SLC30A5: variants seen among roughly 807,000 people sequenced by gnomAD.
The protein encoded by SLC30A5 is solute carrier family 30 member 5.
A neutral mutation model predicts 79.6 loss-of-function variants in SLC30A5; 33 were observed. The observed-to-expected ratio is 0.41, with a 90% confidence interval of 0.31 to 0.55. The LOEUF (loss-of-function observed/expected upper bound fraction) is 0.55, where lower values mean the gene tolerates loss of function less well. Ranked by LOEUF, SLC30A5 falls within the 20% of genes least tolerant of loss-of-function variation. SLC30A5 has a pLI of 0.20. For synonymous variants in SLC30A5, 299 were observed against 319.7 expected (o/e 0.94, Z 0.69); for missense variants, 788 against 928.1 (o/e 0.85, Z 1.96).
chr5:69,105,231 T>C (rs1244417139), intron 4 of SLC30A5, among the ~76,000 whole-genome samples: 1 of 152,212 alleles, frequency 6.6e-6, no homozygotes, highest in Non-Finnish European at 1.5e-5. Context: ...CTATATAGAT[T>C]AGTCTTTTTC....
chr5:69,118,558 C>T lies in SLC30A5; in HGVS notation c.1499C>T (p.Ala500Val), dbSNP rs768665809. The T allele has an allele frequency of 5.0e-6, 8 of 1,602,216 alleles. No homozygotes were observed. The highest frequency in any genetic ancestry group is 2.7e-5 in the African/African-American group (2 of 74,324). ...AATGGACTTTTTCTAATAGTAATAGCGTTTTTTGTGTTTATGGAGTCAGTG... is the reference window on the plus strand; with the variant it reads ...AATGGACTTTTTCTAATAGTAATAGTGTTTTTTGTGTTTATGGAGTCAGTG... ...FINGLFLIVIAFFVFMESVAR... is the reference protein window; with the variant it reads ...FINGLFLIVIVFFVFMESVAR... Residue 500 changes from alanine (A) to valine (V), a missense_variant, in exon 12 of 16, where the codon GCG (alanine) becomes GTG (valine). By Grantham distance (64) the Ala-to-Val change is moderately conservative. This residue lies in a region of SLC30A5 where 626 missense variants were observed against 755.5 expected (regional missense o/e 0.83). Transcript: ENST00000396591.
chr5:69,113,844 T>TAGTA (rs1561293457), intron 6 of SLC30A5, among the ~76,000 whole-genome samples: 1 of 152,358 alleles, frequency 6.6e-6, no homozygotes, highest in East Asian at 1.9e-4. Context: ...TAAAACTTAT[T>TAGTA]AGTAAACTAA....
chr5:69,128,247 A>AAT, intron 15 of SLC30A5, 115 bp downstream of exon 15: 6 of 550,808 alleles, frequency 1.1e-5, no homozygotes, highest in Non-Finnish European at 1.3e-5. Context: ...CAATCTTCCA[A>AAT]CTCTTTTTTT....
Position 69,094,120 on chromosome 5 carries a change from G to T in SLC30A5, c.-136G>T. 1 of 445,144 alleles carries T rather than the reference G, an allele frequency of 2.2e-6. No individual in the cohort carries two copies. The allele number at this position is 445,144 out of a possible 1,614,324, so 27.6% of individuals were successfully genotyped here. A position where few individuals can be genotyped will look rare whatever the true frequency, so the allele number is the denominator to read the frequency against. On this transcript the variant is annotated 5_prime_UTR_variant, in exon 1 of 16. Coordinates refer to ENST00000396591, the MANE Select transcript of SLC30A5 (RefSeq NM_022902.5). ...GCCGGAGCCGGCGACGGCGGCAGTG[G>T]CGGCCCGGCCTGCAGGAGCCCGACG...
At chr5:69,111,044 A>G (rs964875698) in intron 5 of SLC30A5, among the ~76,000 whole-genome samples, 1 of 144,336 alleles carries the variant, frequency 6.9e-6, no homozygotes, top group Admixed American at 7.0e-5. Context: ...CCCAGGCTGG[A>G]GTGCAGTGGC....
chr5:69,112,710 C>T (rs1166188004), intron 5 of SLC30A5, among the ~76,000 whole-genome samples: 3 of 152,050 alleles, frequency 2.0e-5, no homozygotes, highest in Non-Finnish European at 2.9e-5. Flanking sequence ...GCTGGTTTTA[C>T]CGTGCCCTCT....
intron 1 of SLC30A5, among the ~76,000 whole-genome samples, chr5:69,097,976 G>A (rs1458554134): frequency 6.6e-6 from 1 of 152,152 alleles, no homozygotes; most frequent in African/African-American, 2.4e-5. Flanking sequence ...GATTTATCAG[G>A]ACGTGGAGAC....
At chr5:69,096,685 C>A (rs766663639) in intron 1 of SLC30A5, among the ~76,000 whole-genome samples, 1 of 152,100 alleles carries the variant, frequency 6.6e-6, no homozygotes, top group Non-Finnish European at 1.5e-5. Context: ...GGAAAACTTA[C>A]CAAATCTCCA....
chr5:69,124,749 T>A (rs1746629212), intron 14 of SLC30A5, among the ~76,000 whole-genome samples: 1 of 152,106 alleles, frequency 6.6e-6, no homozygotes, highest in South Asian at 2.1e-4. Context: ...TTTTGTATTT[T>A]AGTAGAGATG....
At chr5:69,100,062 G>A (rs373257990) in intron 1 of SLC30A5, among the ~76,000 whole-genome samples, 48 of 152,158 alleles carry the variant, frequency 3.2e-4, no homozygotes, top group Non-Finnish European at 5.6e-4. Flanking sequence ...TCTGCCTCCC[G>A]GGTTCAAGCG....
chr5:69,120,053 T>C (rs576406182), intron 12 of SLC30A5, among the ~76,000 whole-genome samples: 1 of 149,998 alleles, frequency 6.7e-6, no homozygotes, highest in East Asian at 2.0e-4. Context: ...ACATGATTCA[T>C]TGTACCCTTA....
intron 5 of SLC30A5, among the ~76,000 whole-genome samples, chr5:69,111,599 T>C (rs149426): frequency 0.68 from 103,196 of 152,054 alleles, 35,635 homozygotes; most frequent in East Asian, 0.87. Context: ...CCACCACGCC[T>C]GGCCTTTTTT....
chr5:69,122,387 C>T (rs766783945), intron 13 of SLC30A5, among the ~76,000 whole-genome samples: 49 of 152,150 alleles, frequency 3.2e-4, no homozygotes, highest in Non-Finnish European at 5.3e-4. Context: ...GGAACAGTGG[C>T]TCACATCTGT....
chr5:69,125,939 C>T (rs1263991564), intron 14 of SLC30A5, among the ~76,000 whole-genome samples: 1 of 149,424 alleles, frequency 6.7e-6, no homozygotes, highest in Non-Finnish European at 1.5e-5. Flanking sequence ...ATCCCAACTA[C>T]CTGAGTGGCT....
intron 5 of SLC30A5, among the ~76,000 whole-genome samples, 180 bp downstream of exon 5, chr5:69,108,616 G>T (rs1746149106): frequency 1.3e-5 from 2 of 152,160 alleles, no homozygotes; most frequent in South Asian, 4.1e-4. Flanking sequence ...GAGGTCAGGA[G>T]CTTGAGACCA....
At position 69,121,799 on chromosome 5, in the gene SLC30A5, G is replaced by C. The variant is rs1379603949; in HGVS notation, c.1675G>C (p.Asp559His). 2 of 1,612,458 alleles carry C rather than the reference G, an allele frequency of 1.2e-6. No individual in the cohort carries two copies. Among genetic ancestry groups the C allele is most frequent in the Non-Finnish European group, 1.7e-6 (2 of 1,179,084 alleles). The change falls in exon 13 of 16, where the codon GAT becomes CAT. Residue 559 changes from aspartate (D) to histidine (H), a missense_variant. Physicochemically the swap from Asp to His is moderately conservative, Grantham distance 81. Around this residue, in one of 3 missense-constraint regions of SLC30A5, gnomAD observed 626 missense variants for 755.5 expected, o/e 0.83. Coordinates refer to ENST00000396591, the MANE Select transcript of SLC30A5 (RefSeq NM_022902.5). ...TTCTCAAGGAAGCTGTCACTCATCT[G>C]ATCACAGCCATTCACACCATATGCA... is the stretch of plus-strand genomic sequence containing the variant. The part of the protein sequence containing the change: ...GASQGSCHSS[D>H]HSHSHHMHGH...
chr5:69,126,622 T>C (rs1476176286), intron 14 of SLC30A5, among the ~76,000 whole-genome samples: 1 of 151,778 alleles, frequency 6.6e-6, no homozygotes, highest in Non-Finnish European at 1.5e-5. Flanking sequence ...ATACAAAAAT[T>C]AGCTGGGTGT....
intron 2 of SLC30A5, 112 bp downstream of exon 2, chr5:69,101,041 C>A: frequency 9.4e-7 from 1 of 1,067,544 alleles, no homozygotes; most frequent in Non-Finnish European, 1.3e-6. Context: ...TTCCTCCTGA[C>A]AAGTATTTGA....
At position 69,123,371 on chromosome 5, in the gene SLC30A5, A is replaced by G; in HGVS notation, c.1944A>G (p.Leu648=). 6 of 1,613,956 alleles carry G rather than the reference A, an allele frequency of 3.7e-6. No individual in the cohort carries two copies. The highest frequency in any genetic ancestry group is 5.1e-6 in the Non-Finnish European group (6 of 1,179,952). The change falls in exon 14 of 16, where the codon CTA becomes CTG. Residue 648 remains leucine, a synonymous_variant. Coordinates refer to ENST00000396591, the MANE Select transcript of SLC30A5 (RefSeq NM_022902.5). The stretch of plus-strand genomic sequence containing the variant: ...TGATTAAAGATGCCTGCCAGGTTCT[A>G]CTCCTGAGATTGCCACCAGAATATG... ...VPLIKDACQV[L]LLRLPPEYEK... is the part of the protein sequence containing the mutation.
Sources: allele counts gnomAD v4.1 joint callset (sites outside exome capture counted in the v4.1 genomes callset), GRCh38; gene constraint gnomAD v4.1.1; regional missense constraint gnomAD v4.1.1; transcripts MANE v1.5; gene names NCBI Gene and HGNC (gene_info 2026-07-23, HGNC 2026-07-21).